Variants in ZFYVE28 observed in about 807,000 individuals in gnomAD.
ZFYVE28 encodes lateral signaling target protein 2 homolog.
In ZFYVE28, 40 loss-of-function variants were observed where a neutral mutation model predicts 82.1. That is an observed-to-expected ratio of 0.49 (90% CI 0.38 to 0.63). ZFYVE28 has a LOEUF of 0.63. Among genes scored for constraint, ZFYVE28 ranks in the 30% least tolerant of loss-of-function variants. The pLI, the probability that ZFYVE28 is intolerant of heterozygous loss-of-function variation, is 0.00. For synonymous variants in ZFYVE28, 612 were observed against 546.1 expected (o/e 1.12, Z -1.68); for missense variants, 1,321 against 1,242.1 (o/e 1.06, Z -0.96).
chr4:2,378,431 T>A (rs1230058505), intron 1 of ZFYVE28, among the ~76,000 whole-genome samples: 1 of 152,228 alleles, frequency 6.6e-6, no homozygotes, highest in Non-Finnish European at 1.5e-5. Context: ...CATTTCTTTA[T>A]CCTACTTGGA....
rs1407115743 is a variant in ZFYVE28 at position 2,305,282 on chromosome 4, C to T, written c.1058G>A (p.Gly353Glu). The T allele has an allele frequency of 1.9e-6, 3 of 1,612,968 alleles. No individual in the cohort carries two copies. Among genetic ancestry groups the T allele is most frequent in the Non-Finnish European group, 2.5e-6 (3 of 1,179,986 alleles). ...TGAAAGCAAAGAGGACATCTCGTCC[C>T]CCGCCCTGTGGACCATGCGGCTGAG... ...EQLSRMVHRA[G>E]DEMSSLLSPP... Residue 353 changes from glycine to glutamate, a missense_variant, in exon 8 of 13, where the codon GGG becomes GAG. Coordinates refer to ENST00000290974, the MANE Select transcript of ZFYVE28 (RefSeq NM_020972.3).
At position 2,316,699 on chromosome 4, in the gene ZFYVE28, C is replaced by CTTTT. The variant is rs5855729; in HGVS notation, c.803+3467_803+3470dup. Among the ~76,000 whole-genome samples, 311 of 148,802 alleles carry CTTTT rather than the reference C, an allele frequency of 2.1e-3. 2 individuals are homozygous for CTTTT. The highest frequency in any genetic ancestry group is 5.4e-3 in the African/African-American group (218 of 40,598). ...CTATCAGATATATTTTCTTGTCTCTCTTTTTTTTTTTGAGATGGAGTCTCG... is the reference window on the plus strand; with the variant it reads ...CTATCAGATATATTTTCTTGTCTCTCTTTTTTTTTTTTTTTGAGATGGAGTCTCG... On this transcript the variant is annotated intron_variant, in intron 7 of 12. Coordinates refer to ENST00000290974, the MANE Select transcript of ZFYVE28 (RefSeq NM_020972.3).
At chr4:2,337,000 G>GGAGTAA (rs1721905045) in intron 5 of ZFYVE28, among the ~76,000 whole-genome samples, 1 of 128,746 alleles carries the variant, frequency 7.8e-6, no homozygotes, top group Non-Finnish European at 1.7e-5. Context: ...TTAGGAGGTG[G>GGAGTAA]GGAAGTGAGG....
At chr4:2,359,645 T>G (rs543327348) in intron 1 of ZFYVE28, among the ~76,000 whole-genome samples, 1 of 152,204 alleles carries the variant, frequency 6.6e-6, no homozygotes, top group Non-Finnish European at 1.5e-5. Flanking sequence ...CTGGGACTTT[T>G]GGCCTCCAGG....
chr4:2,333,948 G>A (rs973635603), intron 6 of ZFYVE28, among the ~76,000 whole-genome samples: 10 of 152,132 alleles, frequency 6.6e-5, no homozygotes, highest in Non-Finnish European at 1.3e-4. Context: ...GGGAAGGGGC[G>A]CTCTGTGCTC....
intron 8 of ZFYVE28, among the ~76,000 whole-genome samples, chr4:2,283,695 G>A (rs1053491837): frequency 2.6e-5 from 4 of 152,340 alleles, no homozygotes; most frequent in East Asian, 1.9e-4. Flanking sequence ...TGATGGCAGA[G>A]ATCAATAGGT....
chr4:2,364,565 C>G (rs3128827), intron 1 of ZFYVE28: 812,739 of 985,446 alleles, frequency 0.82, 335,327 homozygotes, highest in Admixed American at 0.88. Context: ...GGAATTTAGA[C>G]GGTCGGCACT....
chr4:2,339,253 C>T lies in ZFYVE28; in HGVS notation c.521+200G>A, dbSNP rs368042905. 6.6e-6 allele frequency among the ~76,000 whole-genome samples: 1 copy of T among 152,212 alleles called. No homozygotes were observed. The highest frequency in any genetic ancestry group is 2.4e-5 in the African/African-American group (1 of 41,444). ...CCACACCTGTGTCCTCTGTGCTCAC[C>T]CCACTCCCTGGAAAGATGCCCCACC... On this transcript the variant is annotated intron_variant, in intron 4 of 12. Coordinates refer to ENST00000290974, the MANE Select transcript of ZFYVE28 (RefSeq NM_020972.3). The surrounding 1 kb of genome is among the most constrained non-coding windows in gnomAD (Gnocchi z 5.0).
rs2108864437 is a variant in ZFYVE28, at chr4:2,341,390, C to T, written c.318+88G>A. 2 of 1,545,970 alleles carry T rather than the reference C, an allele frequency of 1.3e-6. No homozygotes were observed. The highest frequency in any genetic ancestry group is 1.8e-6 in the Non-Finnish European group (2 of 1,141,286). ...TGGAGGAGACACCAGGTCCCGGCACCTGCAGGCGCCCATGCACAAGGTTCG... is the reference window on the plus strand; with the variant it reads ...TGGAGGAGACACCAGGTCCCGGCACTTGCAGGCGCCCATGCACAAGGTTCG... On this transcript the variant is annotated intron_variant, in intron 3 of 12. Coordinates refer to ENST00000290974, the MANE Select transcript of ZFYVE28 (RefSeq NM_020972.3). The surrounding 1 kb of genome is among the most constrained non-coding windows in gnomAD (Gnocchi z 4.5).
In ZFYVE28 at chr4:2,296,215, G is replaced by A. The variant is rs961873892; in HGVS notation, c.2051+8074C>T. On this transcript the variant is annotated intron_variant, in intron 8 of 12. Transcript: ENST00000290974. ...TGGCACCTCCTCCCAGGACTTTGCT[G>A]GCCTGCGTGCCTACTGCATCCAGGC... Among the ~76,000 whole-genome samples, 7 of 152,202 alleles carry A rather than the reference G, an allele frequency of 4.6e-5. No homozygotes were observed. In the East Asian group the frequency reaches 1.3e-3, roughly 29 times the overall value.
intron 1 of ZFYVE28, among the ~76,000 whole-genome samples, chr4:2,404,324 A>AAAAAG (rs1553866932): frequency 1.1e-4 from 5 of 44,838 alleles, no homozygotes; most frequent in African/African-American, 4.3e-4. Context: ...AAAAAAAAAA[A>AAAAAG]AAAACGCTGA....
intron 8 of ZFYVE28, among the ~76,000 whole-genome samples, chr4:2,301,963 C>G (rs1315446275): frequency 1.3e-5 from 2 of 152,202 alleles, no homozygotes; most frequent in African/African-American, 4.8e-5. Flanking sequence ...TGGAAACAAG[C>G]CCAAGCCAGC....
chr4:2,361,976 G>A (rs1726228666), intron 1 of ZFYVE28, among the ~76,000 whole-genome samples: 1 of 152,040 alleles, frequency 6.6e-6, no homozygotes, highest in South Asian at 2.1e-4. Context: ...CGCCCCATGG[G>A]CCCCAACAAG....
intron 8 of ZFYVE28, among the ~76,000 whole-genome samples, chr4:2,293,792 A>G (rs557273369): frequency 6.6e-6 from 1 of 151,996 alleles, no homozygotes; most frequent in South Asian, 2.1e-4. Flanking sequence ...GATCTACAAA[A>G]ATCAGTTATA....
chr4:2,303,116 C>G (rs1198723263), intron 8 of ZFYVE28, among the ~76,000 whole-genome samples: 2 of 152,304 alleles, frequency 1.3e-5, no homozygotes, highest in South Asian at 2.1e-4. Flanking sequence ...GGGAACCAGG[C>G]CCAGCCCACC....
chr4:2,304,206 C>T (rs1051619195), intron 8 of ZFYVE28, 83 bp downstream of exon 8: 1 of 1,482,224 alleles, frequency 6.7e-7, no homozygotes, highest in Non-Finnish European at 9.0e-7. Flanking sequence ...GGTAGAAACA[C>T]TGCAATGCTT....
At chr4:2,349,503 A>C (rs1724049551) in intron 2 of ZFYVE28, among the ~76,000 whole-genome samples, 1 of 152,160 alleles carries the variant, frequency 6.6e-6, no homozygotes, top group South Asian at 2.1e-4. Context: ...TGTACCCTAA[A>C]ACTTAAAGTA....
At chr4:2,338,454 G>A (rs151242015) in intron 4 of ZFYVE28, among the ~76,000 whole-genome samples, 146 of 152,286 alleles carry the variant, frequency 9.6e-4, no homozygotes, top group African/African-American at 2.8e-3. Flanking sequence ...TGAGCCAGGC[G>A]TGGTGGTGGT....
chr4:2,286,846 CA>C (rs1287798573), intron 8 of ZFYVE28: 1 of 152,180 alleles, frequency 6.6e-6, no homozygotes, highest in African/African-American at 2.4e-5. Flanking sequence ...ATGTGACCCC[CA>C]AAATGTGAAT....
Sources: allele counts gnomAD v4.1 joint callset (sites outside exome capture counted in the v4.1 genomes callset), GRCh38; gene constraint gnomAD v4.1.1; non-coding constraint Gnocchi (gnomAD v3.1); transcripts MANE v1.5; gene names NCBI Gene and HGNC (gene_info 2026-07-23, HGNC 2026-07-21).